The following SDK1 variants were observed in gnomAD, a reference collection of about 807,000 sequenced individuals.
SDK1 encodes the protein sidekick cell adhesion molecule 1, also known as protein sidekick-1.
SDK1 carries 157 observed loss-of-function variants against 245.5 expected under a neutral mutation model. The ratio of observed to expected loss-of-function variants is 0.64; its 90% CI spans 0.56 to 0.73. The LOEUF is 0.73. Ranked by LOEUF, SDK1 falls within the 30% of genes least tolerant of loss-of-function variation. The pLI is 0.00. For missense variants in SDK1, 3,583 were observed against 3,002.3 expected, an observed-to-expected ratio of 1.19 and a Z score of -4.52; for synonymous variants, 1,647 against 1,278.5, an observed-to-expected ratio of 1.29 and a Z score of -6.15.
At chr7:3,506,127 C>T (rs1343798466) in intron 1 of SDK1, among the ~76,000 whole-genome samples, 4 of 151,964 alleles carry the variant, frequency 2.6e-5, no homozygotes, top group Middle Eastern at 6.8e-3. Context: ...TTTCTCTTTG[C>T]CAAAAGAACT....
intron 5 of SDK1, among the ~76,000 whole-genome samples, chr7:3,852,743 T>A (rs1378667815): frequency 1.1e-5 from 1 of 89,210 alleles, no homozygotes; most frequent in Non-Finnish European, 1.9e-5. Context: ...AGAGCAAGAC[T>A]CCGTCTCAAA....
At chr7:4,071,717 G>C (rs576672332) in intron 20 of SDK1, among the ~76,000 whole-genome samples, 14 of 152,336 alleles carry the variant, frequency 9.2e-5, no homozygotes, top group Middle Eastern at 3.4e-3. Flanking sequence ...TTCCAGTTCA[G>C]ACCCTTCAGG....
intron 1 of SDK1, among the ~76,000 whole-genome samples, chr7:3,601,030 T>G (rs978519651): frequency 3.9e-5 from 6 of 152,178 alleles, no homozygotes; most frequent in Admixed American, 3.3e-4. Flanking sequence ...TTTCTTTTTT[T>G]GTTTTTTGAA....
rs144994327 is a variant in SDK1 at position 4,145,715 on chromosome 7, C to T, written c.4229-7C>T. The T allele has an allele frequency of 1.3e-6, 2 of 1,594,924 alleles. No homozygotes were observed. Among genetic ancestry groups the T allele is most frequent in the African/African-American group, 2.7e-5 (2 of 74,580 alleles). ...CAGCAGCTGTCTCCCATGTCACCTGCCTGCAGGGTACCAGATTGCCTACCG... is the reference window on the plus strand; with the variant it reads ...CAGCAGCTGTCTCCCATGTCACCTGTCTGCAGGGTACCAGATTGCCTACCG... On this transcript the variant is annotated splice_region_variant and splice_polypyrimidine_tract_variant and intron_variant, in intron 28 of 44. Transcript: ENST00000404826.
At chr7:4,024,074 T>G (rs1235547558) in intron 17 of SDK1, among the ~76,000 whole-genome samples, 1 of 152,244 alleles carries the variant, frequency 6.6e-6, no homozygotes, top group Non-Finnish European at 1.5e-5. Context: ...TGGTTTTATT[T>G]CTTTATCATT....
chr7:3,306,401 G>A (rs1487130891), intron 1 of SDK1, among the ~76,000 whole-genome samples: 1 of 152,078 alleles, frequency 6.6e-6, no homozygotes, highest in Non-Finnish European at 1.5e-5. Flanking sequence ...ACCCCAGAAT[G>A]GACTACTGGG....
At position 4,018,114 on chromosome 7, in the gene SDK1, A is replaced by G. The variant is rs1480924484; in HGVS notation, c.2602+762A>G. On this transcript the variant is annotated intron_variant, in intron 17 of 44. Transcript: ENST00000404826. Reference sequence around the variant, plus strand: ...CCCAACACAGCCTCATTTGTCCTACAGCAGCCCAAATCCTTGCCCAGGGAA... The same window carrying G: ...CCCAACACAGCCTCATTTGTCCTACGGCAGCCCAAATCCTTGCCCAGGGAA... 2.6e-5 allele frequency among the ~76,000 whole-genome samples: 4 copies of G among 152,252 alleles called. No homozygotes were observed. The East Asian group carries it at 7.7e-4, about 29-fold the overall frequency.
intron 22 of SDK1, among the ~76,000 whole-genome samples, chr7:4,086,818 G>A (rs531056404): frequency 1.1e-4 from 16 of 152,194 alleles, no homozygotes; most frequent in African/African-American, 3.9e-4. Context: ...CATCTCCAGG[G>A]GGCCTCATTC....
chr7:4,095,291 C>G (rs1463061217), intron 22 of SDK1, among the ~76,000 whole-genome samples: 1 of 148,544 alleles, frequency 6.7e-6, no homozygotes, highest in Admixed American at 6.6e-5. Flanking sequence ...TCTTCCTCAG[C>G]TCCCCCACAT....
intron 5 of SDK1, among the ~76,000 whole-genome samples, chr7:3,845,332 A>G (rs1238979498): frequency 6.6e-6 from 1 of 151,978 alleles, no homozygotes; most frequent in African/African-American, 2.4e-5. Flanking sequence ...TCTACTAAAA[A>G]TACAAAACTT....
At chr7:3,681,428 C>G (rs752379560) in intron 4 of SDK1, among the ~76,000 whole-genome samples, 4 of 152,132 alleles carry the variant, frequency 2.6e-5, no homozygotes, top group Non-Finnish European at 5.9e-5. Flanking sequence ...TGTACACATC[C>G]CTGGTGTACT....
At chr7:3,351,505 C>T (rs958608629) in intron 1 of SDK1, among the ~76,000 whole-genome samples, 13 of 151,994 alleles carry the variant, frequency 8.6e-5, no homozygotes, top group South Asian at 2.1e-4. Flanking sequence ...CTAAAAGACA[C>T]GTCAGATTGG....
At chr7:4,248,355 C>CACGCACACAT (rs374018809) in intron 44 of SDK1, among the ~76,000 whole-genome samples, 1 of 151,020 alleles carries the variant, frequency 6.6e-6, no homozygotes, top group Non-Finnish European at 1.5e-5. Flanking sequence ...TGCACACACA[C>CACGCACACAT]GTTTACCTAA....
intron 1 of SDK1, among the ~76,000 whole-genome samples, chr7:3,352,149 T>A (rs939545199): frequency 6.7e-6 from 1 of 148,790 alleles, no homozygotes; most frequent in African/African-American, 2.4e-5. Context: ...TATAAATATA[T>A]ATTTATAAAA....
chr7:3,387,143 A>G (rs1346679576), intron 1 of SDK1, among the ~76,000 whole-genome samples: 1 of 152,162 alleles, frequency 6.6e-6, no homozygotes, highest in Admixed American at 6.5e-5. Context: ...GCATGATTTC[A>G]GGCCCGACTC....
At chr7:3,584,389 C>A (rs538648094) in intron 1 of SDK1, among the ~76,000 whole-genome samples, 1 of 152,150 alleles carries the variant, frequency 6.6e-6, no homozygotes, top group Non-Finnish European at 1.5e-5. Context: ...CATGACCCTT[C>A]ATTCTGGACC....
chr7:3,541,259 T>G (rs1779046160), intron 1 of SDK1, among the ~76,000 whole-genome samples: 1 of 152,248 alleles, frequency 6.6e-6, no homozygotes, highest in African/African-American at 2.4e-5. Context: ...CTGAGTGCTT[T>G]GTGTGAGTTA....
rs74397320 is a variant in SDK1, at chr7:3,721,916, A to G, written c.713+79811A>G. Among the ~76,000 whole-genome samples the G allele has an allele frequency of 1.5e-3, 226 of 152,284 alleles. 8 individuals are homozygous for G. The East Asian group carries it at 0.035, about 23-fold the overall frequency. On this transcript the variant is annotated intron_variant, in intron 4 of 44. Transcript: ENST00000404826. ...TCCTGATTTTCTCTTCATTATTAAC[A>G]GTAAATTATTTTCCTTTCCTCTTTC...
chr7:4,034,350 CAT>C (rs767570678), intron 17 of SDK1, among the ~76,000 whole-genome samples: 3 of 152,146 alleles, frequency 2.0e-5, no homozygotes, highest in South Asian at 2.1e-4. Context: ...AGATGGCAGT[CAT>C]GTGTCAATGC....
Sources: gnomAD v4.1 joint callset for allele counts (sites outside exome capture counted in the v4.1 genomes callset) on GRCh38, gnomAD v4.1.1 for gene constraint, MANE v1.5 for transcripts, NCBI Gene and HGNC (gene_info 2026-07-23, HGNC 2026-07-21) for gene names.